Variants in KDM4C observed in about 807,000 individuals in gnomAD.
KDM4C encodes the protein lysine-specific demethylase 4C.
A neutral mutation model predicts 129.3 loss-of-function variants in KDM4C; 81 were observed. The observed-to-expected ratio is 0.63, with a 90% confidence interval of 0.52 to 0.75. KDM4C has a LOEUF of 0.75. Among genes scored for constraint, KDM4C ranks in the 30% least tolerant of loss-of-function variants. The probability of loss-of-function intolerance (pLI) is 0.00; values close to 1 mark genes in which losing one functional copy is unlikely to be tolerated. For synonymous variants in KDM4C, 573 were observed against 456.1 expected, an observed-to-expected ratio of 1.26 and a Z score of -3.26; for missense variants, 1,457 against 1,304.0, an observed-to-expected ratio of 1.12 and a Z score of -1.81.
rs1343991032 is a variant in KDM4C at position 7,093,473 on chromosome 9, C to G, written c.2425-10212C>G. ...TCATTTTTGCTTATTCATTTTATCTCTGTTCACATGTGTGCGTGGTTATTG... is the reference window on the plus strand; with the variant it reads ...TCATTTTTGCTTATTCATTTTATCTGTGTTCACATGTGTGCGTGGTTATTG... On this transcript the variant is annotated intron_variant, in intron 17 of 21. Transcript: ENST00000381309. 2.6e-5 allele frequency among the ~76,000 whole-genome samples: 4 copies of G among 152,248 alleles called. No individual in the cohort carries two copies. In the East Asian group the frequency reaches 5.8e-4, roughly 22 times the overall value.
intron 5 of KDM4C, among the ~76,000 whole-genome samples, chr9:6,867,863 C>T (rs1842292218): frequency 6.6e-6 from 1 of 152,146 alleles, no homozygotes; most frequent in South Asian, 2.1e-4. Context: ...ATTGCAGTAG[C>T]AGAACGCTTG....
intron 18 of KDM4C, among the ~76,000 whole-genome samples, chr9:7,111,312 C>G (rs1326223115): frequency 6.6e-6 from 1 of 152,122 alleles, no homozygotes; most frequent in African/African-American, 2.4e-5. Flanking sequence ...AAAGGAAATG[C>G]TCATTTAAGC....
intron 4 of KDM4C, among the ~76,000 whole-genome samples, chr9:6,837,008 G>C (rs1484553252): frequency 6.6e-6 from 1 of 152,076 alleles, no homozygotes; most frequent in African/African-American, 2.4e-5. Context: ...AGATACTGTT[G>C]AATTGCTTTT....
chr9:7,064,317 A>C (rs1390177754), intron 17 of KDM4C, among the ~76,000 whole-genome samples: 3 of 152,218 alleles, frequency 2.0e-5, no homozygotes, highest in African/African-American at 7.2e-5. Context: ...TTAAAGTAAA[A>C]TGTATTACTA....
intron 15 of KDM4C, among the ~76,000 whole-genome samples, chr9:7,038,680 A>T (rs1828056817): frequency 6.6e-6 from 1 of 152,080 alleles, no homozygotes; most frequent in East Asian, 1.9e-4. Flanking sequence ...TTTAGGTTAG[A>T]TTATAAGAAG....
chr9:6,736,695 C>T (rs1039622283), intron 1 of KDM4C, among the ~76,000 whole-genome samples: 3 of 151,984 alleles, frequency 2.0e-5, no homozygotes, highest in Admixed American at 6.6e-5. Context: ...AGGCTCTGTC[C>T]CAAAGCTCCT....
intron 5 of KDM4C, among the ~76,000 whole-genome samples, chr9:6,853,485 A>T (rs1395700350): frequency 6.6e-6 from 1 of 152,160 alleles, no homozygotes; most frequent in Non-Finnish European, 1.5e-5. Context: ...GGAGGGAGAC[A>T]CTGTCTCAAA....
At chr9:7,156,835 G>C (rs1205538532) in intron 19 of KDM4C, among the ~76,000 whole-genome samples, 1 of 150,654 alleles carries the variant, frequency 6.6e-6, no homozygotes, top group Non-Finnish European at 1.5e-5. Flanking sequence ...TGGCAATGTG[G>C]GTTCTTTTTT....
rs147154687 is a variant in KDM4C, at chr9:7,108,944, A to G, written c.2610+5074A>G. ...AGTACACTTTTATGTGAATTTATTA[A>G]TTGTAAAAGGGCAGGCAGTATTTCA... On this transcript the variant is annotated intron_variant, in intron 18 of 21. Transcript: ENST00000381309. Among the ~76,000 whole-genome samples, 133 of 152,360 alleles carry G rather than the reference A, an allele frequency of 8.7e-4. 3 individuals are homozygous for G. In the East Asian group the frequency reaches 0.024, roughly 27 times the overall value.
chr9:7,067,068 C>G (rs965745119), intron 17 of KDM4C, among the ~76,000 whole-genome samples: 20 of 152,154 alleles, frequency 1.3e-4, no homozygotes, highest in Admixed American at 9.2e-4. Flanking sequence ...AATGAAGGAA[C>G]CAGCAACACA....
chr9:6,992,163 C>A (rs1387542808), intron 12 of KDM4C, among the ~76,000 whole-genome samples: 1 of 152,054 alleles, frequency 6.6e-6, no homozygotes, highest in Non-Finnish European at 1.5e-5. Flanking sequence ...AGACTCTCTT[C>A]AGTATAACTT....
At chr9:6,745,589 A>G (rs1477541340) in intron 1 of KDM4C, among the ~76,000 whole-genome samples, 1 of 152,030 alleles carries the variant, frequency 6.6e-6, no homozygotes. Flanking sequence ...AAAAAAAAAA[A>G]AAAAAAAAAT....
intron 5 of KDM4C, among the ~76,000 whole-genome samples, chr9:6,854,888 T>G (rs1839523532): frequency 6.6e-6 from 1 of 152,192 alleles, no homozygotes; most frequent in African/African-American, 2.4e-5. Context: ...TCTTTACTCT[T>G]TACTGAGCAT....
In KDM4C at chr9:6,758,517, G is replaced by T. The variant is rs1280794606; in HGVS notation, c.-18+314G>T. Among the ~76,000 whole-genome samples the T allele has an allele frequency of 1.3e-5, 2 of 151,134 alleles. No homozygotes were observed. The highest frequency in any genetic ancestry group is 6.6e-5 in the Admixed American group (1 of 15,158). On this transcript the variant is annotated intron_variant, in intron 1 of 21. Coordinates refer to ENST00000381309, the MANE Select transcript of KDM4C (RefSeq NM_015061.6). The surrounding 1 kb of genome is among the most constrained non-coding windows in gnomAD (Gnocchi z 4.6). ...CTCCTTGGGGCAGAGGAGCGCTCGG[G>T]CGGTCCTGGGATGCGGACCTCTTAA...
chr9:7,002,867 A>T (rs760031929), intron 12 of KDM4C, among the ~76,000 whole-genome samples: 1 of 151,976 alleles, frequency 6.6e-6, no homozygotes, highest in Non-Finnish European at 1.5e-5. Flanking sequence ...TACACTCTAC[A>T]CTCTTGTGTT....
In KDM4C at chr9:6,984,344, G is replaced by C. The variant is rs1268680525; in HGVS notation, c.1294G>C (p.Glu432Gln). Residue 432 changes from glutamate (E) to glutamine (Q), a missense_variant, in exon 10 of 22, where the codon GAG becomes CAG. Physicochemically the swap from Glu to Gln is conservative, Grantham distance 29. Transcript: ENST00000381309. ...GAACACAGAAGCATCTTCAGAAGAA[G>C]AGTCATCTGCTAGCAGGATGCAGGT... Reference protein sequence around the residue: ...LRNTEASSEEESSASRMQVEQ... With the variant: ...LRNTEASSEEQSSASRMQVEQ... 6.2e-7 allele frequency: 1 copy of C among 1,614,062 alleles called. No homozygotes were observed. The highest frequency in any genetic ancestry group is 1.7e-5 in the Admixed American group (1 of 60,020).
intron 12 of KDM4C, among the ~76,000 whole-genome samples, chr9:7,002,129 G>C (rs1016954235): frequency 6.6e-6 from 1 of 152,154 alleles, no homozygotes; most frequent in South Asian, 2.1e-4. Flanking sequence ...CTGGCCTCAA[G>C]TGATCCTCCT....
Position 7,046,867 on chromosome 9 carries a change from C to A in KDM4C, c.2265C>A (p.Cys755Ter). The A allele has an allele frequency of 6.2e-7, 1 of 1,606,014 alleles. No homozygotes were observed. Among genetic ancestry groups the A allele is most frequent in the Non-Finnish European group, 8.5e-7 (1 of 1,173,090 alleles). ...RCKRNAWTAE[C>*]CLCNLRGGAL... is the part of the protein sequence containing the mutation. ...GTATTTTCTTTTCCCCCCAGGAATG[C>A]TGTCTCTGCAATTTGAGAGGAGGTG... is the stretch of plus-strand genomic sequence containing the variant. The change falls in exon 16 of 22, where the codon TGC (cysteine) becomes TGA (stop). Residue 755 changes from cysteine (C) to a stop codon, truncating the protein, a stop_gained. Coordinates refer to ENST00000381309, the MANE Select transcript of KDM4C (RefSeq NM_015061.6). LOFTEE classifies it high-confidence loss of function.
rs560301771 is a variant in KDM4C, at chr9:7,029,724, A to G, written c.2259+13795A>G. 2.8e-3 allele frequency among the ~76,000 whole-genome samples: 429 copies of G among 152,272 alleles called. 1 individual carries two copies. Among genetic ancestry groups the G allele is most frequent in the Non-Finnish European group, 4.7e-3 (318 of 68,008 alleles). On this transcript the variant is annotated intron_variant, in intron 15 of 21. Coordinates refer to ENST00000381309, the MANE Select transcript of KDM4C (RefSeq NM_015061.6). ...TTCTTCCAGGACCTTTCGGGGACTG[A>G]GGGCTGTGGGATTTTGTTAGAGTGC...
Sources: gnomAD v4.1 joint callset for allele counts (sites outside exome capture counted in the v4.1 genomes callset) on GRCh38, gnomAD v4.1.1 for gene constraint, Gnocchi (gnomAD v3.1) non-coding constraint, MANE v1.5 for transcripts, NCBI Gene and HGNC (gene_info 2026-07-23, HGNC 2026-07-21) for gene names.